Variants in JCAD observed in about 807,000 individuals in gnomAD.
The protein encoded by JCAD is junctional cadherin 5 associated.
JCAD carries 40 observed loss-of-function variants against 98.0 expected under a neutral mutation model. The observed-to-expected ratio is 0.41, with a 90% CI of 0.32 to 0.53. The LOEUF is 0.53. JCAD is among the 20% of genes least tolerant of loss of function. The probability of loss-of-function intolerance (pLI) is 0.31; values close to 1 mark genes in which losing one functional copy is unlikely to be tolerated. For missense variants in JCAD, 1,705 were observed against 1,738.1 expected (o/e 0.98, Z 0.34); for synonymous variants, 691 against 682.3 (o/e 1.01, Z -0.20).
chr10:30,075,323 T>C (rs528853303), intron 1 of JCAD, among the ~76,000 whole-genome samples: 2 of 152,218 alleles, frequency 1.3e-5, no homozygotes, highest in South Asian at 4.1e-4. Flanking sequence ...TGATCCCATA[T>C]AAGCTTACAT....
Position 30,085,741 on chromosome 10 carries a change from T to G in JCAD, n.129-15920A>C, listed in dbSNP as rs889348716. 2.0e-5 allele frequency among the ~76,000 whole-genome samples: 3 copies of G among 152,188 alleles called. No homozygotes were observed. In the East Asian group the frequency reaches 5.8e-4, roughly 29 times the overall value. On this transcript the variant is annotated intron_variant and non_coding_transcript_variant, in intron 1 of 2. Transcript: ENST00000465712. ...CCAGCCACTTTGCAACTGAGCAGAGTCCTGATTTCTAGCATCCGTCATGAC... is the reference window on the plus strand; with the variant it reads ...CCAGCCACTTTGCAACTGAGCAGAGGCCTGATTTCTAGCATCCGTCATGAC...
rs1440862232 is a variant in JCAD, at chr10:30,026,098, C to T, written c.4045+5G>A. The T allele has an allele frequency of 6.2e-7, 1 of 1,614,116 alleles. No individual in the cohort carries two copies. The highest frequency in any genetic ancestry group is 8.5e-7 in the Non-Finnish European group (1 of 1,180,036). ...GAGCACCTGCCTGTCTGCCTGATTC[C>T]TCACCTGGGCACCAGAAGTCTTGAT... On this transcript the variant is annotated splice_donor_5th_base_variant and intron_variant, in intron 3 of 3. Coordinates refer to ENST00000375377, the MANE Select transcript of JCAD (RefSeq NM_020848.4).
At chr10:30,082,083 T>C (rs149150409) in intron 1 of JCAD, among the ~76,000 whole-genome samples, 3 of 152,352 alleles carry the variant, frequency 2.0e-5, no homozygotes, top group Admixed American at 1.3e-4. Context: ...ATTGTGCTTT[T>C]ACCTTTTTCT....
intron 1 of JCAD, among the ~76,000 whole-genome samples, chr10:30,055,810 G>A (rs1204466739): frequency 2.6e-5 from 4 of 152,140 alleles, no homozygotes; most frequent in Non-Finnish European, 5.9e-5. Context: ...TTGGTATTAA[G>A]GCATTTGTTC....
intron 3 of JCAD, among the ~76,000 whole-genome samples, chr10:30,023,800 A>G (rs1378448017): frequency 1.3e-5 from 2 of 152,134 alleles, no homozygotes; most frequent in African/African-American, 4.8e-5. Context: ...TAAAATTTGC[A>G]TTACCTGGGT....
At position 30,027,598 on chromosome 10, in the gene JCAD, ACTG is replaced by A; in HGVS notation, c.2547_2549del (p.Ser859del). 6.2e-7 allele frequency: 1 copy of A among 1,610,348 alleles called. No homozygotes were observed. Among genetic ancestry groups the A allele is most frequent in the Non-Finnish European group, 8.5e-7 (1 of 1,177,582 alleles). ...TGCTGCTGCTGCTGCTGCTGCTGCT[ACTG>A]CTGCTTTCTTCCTCTTCCTGGAGCT... is the stretch of plus-strand genomic sequence containing the variant. On this transcript the variant is annotated inframe_deletion, in exon 3 of 4. Coordinates refer to ENST00000375377, the MANE Select transcript of JCAD (RefSeq NM_020848.4).
At chr10:30,108,879 C>A (rs970643930) in intron 1 of JCAD, among the ~76,000 whole-genome samples, 14 of 151,812 alleles carry the variant, frequency 9.2e-5, no homozygotes, top group Non-Finnish European at 1.8e-4. Flanking sequence ...AAAAGTAGCT[C>A]TCACATGCTT....
intron 2 of JCAD, among the ~76,000 whole-genome samples, chr10:30,031,217 C>A (rs918166299): frequency 9.9e-5 from 15 of 152,048 alleles, no homozygotes; most frequent in Admixed American, 4.6e-4. Flanking sequence ...GCCTCAAACT[C>A]CTGGGCTCAA....
Position 30,017,155 on chromosome 10 carries a change from A to G in JCAD, c.*728T>C, listed in dbSNP as rs148569769. The G allele has an allele frequency of 6.6e-6, 1 of 152,350 alleles. No individual in the cohort carries two copies. Among genetic ancestry groups the G allele is most frequent in the East Asian group, 1.9e-4 (1 of 5,190 alleles). 9.4% of individuals were successfully genotyped at this position (152,350 alleles called of 1,614,324 possible). Reference sequence around the variant, plus strand: ...TCATATAAAGAATTTCTAAATACCCATACAGAAAATAAAAATAGATAATAC... The same window carrying G: ...TCATATAAAGAATTTCTAAATACCCGTACAGAAAATAAAAATAGATAATAC... On this transcript the variant is annotated 3_prime_UTR_variant, in exon 4 of 4. Transcript: ENST00000375377.
In JCAD at chr10:30,026,944, C is replaced by T. The variant is rs775289316; in HGVS notation, c.3204G>A (p.Leu1068=). Residue 1068 remains leucine, a synonymous_variant, in exon 3 of 4, where the codon TTG becomes TTA. Coordinates refer to ENST00000375377, the MANE Select transcript of JCAD (RefSeq NM_020848.4). ...GGATTTCTATTGTGCTTGCTTCACC[C>T]AAAGACCCCTCTAGCTCACTGGCAC... is the stretch of plus-strand genomic sequence containing the variant. ...EQGASELEGS[L]GEASTIEIPP... The T allele has an allele frequency of 6.2e-7, 1 of 1,614,072 alleles. No individual in the cohort carries two copies.
At position 30,015,890 on chromosome 10, in the gene JCAD, A is replaced by G. The variant is rs1205922088; in HGVS notation, c.*1993T>C. On this transcript the variant is annotated 3_prime_UTR_variant, in exon 4 of 4. Transcript: ENST00000375377. ...AAGACCTCCAGGCGCCTCAGCCCTT[A>G]TTTGGTACTACCAGGTGACTTCAAT... The G allele has an allele frequency of 1.3e-5, 2 of 152,202 alleles. No individual in the cohort carries two copies. The highest frequency in any genetic ancestry group is 2.1e-4 in the South Asian group (1 of 4,830). The allele number at this position is 152,202 out of a possible 1,614,324, so 9.4% of individuals were successfully genotyped here. A position where few individuals can be genotyped will look rare whatever the true frequency, so the allele number is the denominator to read the frequency against.
chr10:30,066,232 A>T (rs187150411), intron 2 of JCAD, among the ~76,000 whole-genome samples: 1 of 152,300 alleles, frequency 6.6e-6, no homozygotes, highest in Admixed American at 6.5e-5. Context: ...CAAAACCTAC[A>T]ATGCTGGGGA....
intron 1 of JCAD, among the ~76,000 whole-genome samples, chr10:30,051,429 C>CCTCT (rs970371489): frequency 1.4e-4 from 22 of 152,092 alleles, no homozygotes; most frequent in Non-Finnish European, 7.3e-5. Context: ...CCTTAACAGA[C>CCTCT]CTCTTTCATC....
intron 2 of JCAD, among the ~76,000 whole-genome samples, chr10:30,031,776 A>G: frequency 1.3e-5 from 1 of 77,352 alleles, no homozygotes; most frequent in Non-Finnish European, 2.3e-5. Flanking sequence ...TTTTTTTGAG[A>G]CGGAGTCTTG....
intron 1 of JCAD, among the ~76,000 whole-genome samples, chr10:30,057,999 A>G (rs999167738): frequency 6.6e-6 from 1 of 152,192 alleles, no homozygotes; most frequent in African/African-American, 2.4e-5. Flanking sequence ...TTAAAATTCT[A>G]AAATGAACTG....
intron 1 of JCAD, among the ~76,000 whole-genome samples, chr10:30,113,056 T>C (rs538508726): frequency 6.6e-6 from 1 of 152,244 alleles, no homozygotes; most frequent in Non-Finnish European, 1.5e-5. Flanking sequence ...GTATGAAATA[T>C]CACTGCACTG....
At chr10:30,074,737 G>T (rs1837952435) in intron 1 of JCAD, among the ~76,000 whole-genome samples, 1 of 152,166 alleles carries the variant, frequency 6.6e-6, no homozygotes, top group African/African-American at 2.4e-5. Flanking sequence ...ATATGCAACT[G>T]CTTTCTGATA....
intron 1 of JCAD, among the ~76,000 whole-genome samples, chr10:30,071,384 G>A (rs1445230896): frequency 1.3e-5 from 2 of 152,278 alleles, no homozygotes; most frequent in African/African-American, 2.4e-5. Context: ...TCTGGAAATG[G>A]TGACAGACTG....
At chr10:30,112,743 A>C (rs1838726815) in intron 1 of JCAD, among the ~76,000 whole-genome samples, 1 of 151,900 alleles carries the variant, frequency 6.6e-6, no homozygotes, top group Admixed American at 6.6e-5. Flanking sequence ...GTGGTGGCAC[A>C]TGCCTGTAAT....
Sources: gnomAD v4.1 joint callset for allele counts (sites outside exome capture counted in the v4.1 genomes callset) on GRCh38, gnomAD v4.1.1 for gene constraint, MANE v1.5 for transcripts, NCBI Gene and HGNC (gene_info 2026-07-23, HGNC 2026-07-21) for gene names.